Variants in CDK5RAP1 observed in about 807,000 individuals in gnomAD.
CDK5RAP1 encodes mitochondrial tRNA methylthiotransferase CDK5RAP1.
In CDK5RAP1, 62 loss-of-function variants were observed where a neutral mutation model predicts 64.5. The ratio of observed to expected loss-of-function variants is 0.96; its 90% CI spans 0.78 to 1.19. CDK5RAP1 has a LOEUF of 1.19. CDK5RAP1 is among the 50% of genes most tolerant of loss of function. The pLI, the probability that CDK5RAP1 is intolerant of heterozygous loss-of-function variation, is 0.00. For synonymous variants in CDK5RAP1, 250 were observed against 261.9 expected (o/e 0.95, Z 0.44); for missense variants, 657 against 735.0 (o/e 0.89, Z 1.23).
At chr20:33,385,531 T>C in intron 7 of CDK5RAP1, 119 bp downstream of exon 7, 2 of 1,177,290 alleles carry the variant, frequency 1.7e-6, no homozygotes, top group South Asian at 1.5e-5. Flanking sequence ...TAGTTCTTTC[T>C]GGCCAGGCAT....
At chr20:33,391,169 A>G (rs1348153678) in intron 5 of CDK5RAP1, among the ~76,000 whole-genome samples, 1 of 148,770 alleles carries the variant, frequency 6.7e-6, no homozygotes, top group Non-Finnish European at 1.5e-5. Flanking sequence ...TGAGAGGATC[A>G]TTTGAGCCCA....
intron 7 of CDK5RAP1, among the ~76,000 whole-genome samples, chr20:33,382,335 G>A (rs777164842): frequency 2.6e-5 from 4 of 152,202 alleles, no homozygotes; most frequent in Non-Finnish European, 5.9e-5. Flanking sequence ...GAACTGGAAT[G>A]AGACAGTATT....
chr20:33,391,518 A>C (rs1988320858), intron 5 of CDK5RAP1, among the ~76,000 whole-genome samples: 1 of 152,132 alleles, frequency 6.6e-6, no homozygotes, highest in East Asian at 1.9e-4. Context: ...AAAGGTACCC[A>C]CATTAGAAAT....
intron 11 of CDK5RAP1, 82 bp downstream of exon 11, chr20:33,370,417 C>CTCTT: frequency 6.8e-7 from 1 of 1,470,864 alleles, no homozygotes; most frequent in East Asian, 2.3e-5. Context: ...TGCCGCCACT[C>CTCTT]TCTTTTCTGC....
intron 7 of CDK5RAP1, among the ~76,000 whole-genome samples, chr20:33,383,741 CAAAAAAAAA>C (rs34365439): frequency 1.1e-5 from 1 of 91,264 alleles, no homozygotes; most frequent in Non-Finnish European, 2.0e-5. Context: ...AACTCTGTCT[CAAAAAAAAA>C]AAAAAAAAAA....
intron 8 of CDK5RAP1, among the ~76,000 whole-genome samples, chr20:33,379,005 A>G (rs1167126770): frequency 6.6e-6 from 1 of 151,976 alleles, no homozygotes; most frequent in Admixed American, 6.6e-5. Flanking sequence ...GATGGAGTGC[A>G]GTGGTGCGAT....
intron 4 of CDK5RAP1, 30 bp downstream of exon 4, chr20:33,394,002 T>C: frequency 6.7e-7 from 1 of 1,496,666 alleles, no homozygotes; most frequent in Non-Finnish European, 9.3e-7. Context: ...ATAAAATACA[T>C]TCACTCCTAG....
At position 33,396,795 on chromosome 20, in the gene CDK5RAP1, G is replaced by A. The variant is rs1397472042; in HGVS notation, c.270C>T (p.Leu90=). Residue 90 remains leucine, a synonymous_variant, in exon 2 of 14, where the codon CTC becomes CTT. Coordinates refer to ENST00000346416, the MANE Select transcript of CDK5RAP1 (RefSeq NM_016408.4). ...GCCTTCCAAGAAGTTCATCCATCAT[G>A]AGATAGGGAGGTGGGTCTTCCACTT... is the stretch of plus-strand genomic sequence containing the variant. ...SSEVEDPPPY[L]MMDELLGRQR... 9 of 1,613,910 alleles carry A rather than the reference G, an allele frequency of 5.6e-6. No individual in the cohort carries two copies. The highest frequency in any genetic ancestry group is 7.6e-6 in the Non-Finnish European group (9 of 1,179,988).
chr20:33,381,487 C>T (rs1438967431), intron 7 of CDK5RAP1, among the ~76,000 whole-genome samples: 1 of 152,112 alleles, frequency 6.6e-6, no homozygotes, highest in Non-Finnish European at 1.5e-5. Flanking sequence ...AGTGCACTAG[C>T]GTGATCTTGG....
intron 9 of CDK5RAP1, chr20:33,373,744 TA>T (rs372357888): frequency 1.9e-4 from 37 of 192,774 alleles, no homozygotes; most frequent in East Asian, 2.6e-4. Flanking sequence ...GGTGCTTAAT[TA>T]AAAAAAAACA....
intron 7 of CDK5RAP1, 140 bp from the exon 8 acceptor site, chr20:33,379,831 G>A: frequency 1.6e-6 from 1 of 637,076 alleles, no homozygotes; most frequent in Non-Finnish European, 2.7e-6. Context: ...TCACCTATAA[G>A]TGTGTTGTGT....
intron 5 of CDK5RAP1, among the ~76,000 whole-genome samples, chr20:33,390,097 T>C (rs764868048): frequency 2.6e-5 from 4 of 151,754 alleles, no homozygotes; most frequent in Non-Finnish European, 5.9e-5. Flanking sequence ...GGCAACATAG[T>C]GAGACCCACA....
At chr20:33,401,556 C>G (rs767143200), upstream of CDK5RAP1, 2 of 976,358 alleles carry the variant, frequency 2.0e-6, no homozygotes, top group Non-Finnish European at 2.4e-6. Flanking sequence ...CAGGCCGGGT[C>G]ATGCTAACGG....
intron 6 of CDK5RAP1, 138 bp from the exon 7 acceptor site, chr20:33,385,908 G>T: frequency 2.7e-6 from 2 of 738,096 alleles, no homozygotes; most frequent in East Asian, 2.7e-5. Flanking sequence ...ACCAATCTGA[G>T]ATCTAAGCAC....
intron 12 of CDK5RAP1, among the ~76,000 whole-genome samples, chr20:33,364,953 A>G (rs1439135543): frequency 6.6e-6 from 1 of 151,424 alleles, no homozygotes; most frequent in Non-Finnish European, 1.5e-5. Context: ...AGGTGGCACA[A>G]TCTCATCTTA....
chr20:33,378,967 C>T (rs907609768), intron 8 of CDK5RAP1, among the ~76,000 whole-genome samples: 3 of 151,916 alleles, frequency 2.0e-5, no homozygotes, highest in Non-Finnish European at 2.9e-5. Flanking sequence ...ACTTTTTTTT[C>T]GAGACAGGGT....
chr20:33,395,853 A>C (rs1988852715), intron 2 of CDK5RAP1, among the ~76,000 whole-genome samples: 1 of 152,122 alleles, frequency 6.6e-6, no homozygotes, highest in East Asian at 1.9e-4. Flanking sequence ...GTCTCCACTA[A>C]AAATACAAAA....
intron 7 of CDK5RAP1, among the ~76,000 whole-genome samples, chr20:33,381,776 G>A (rs562393750): frequency 2.8e-4 from 43 of 152,046 alleles, no homozygotes; most frequent in African/African-American, 9.4e-4. Flanking sequence ...AATCCCAATC[G>A]AGGACCGTGC....
At chr20:33,393,705 C>T (rs1988590049) in intron 4 of CDK5RAP1, among the ~76,000 whole-genome samples, 2 of 152,158 alleles carry the variant, frequency 1.3e-5, no homozygotes, top group Admixed American at 6.6e-5. Context: ...TAAACATATG[C>T]CATTAGTTAC....
Sources: gnomAD v4.1 joint callset for allele counts (sites outside exome capture counted in the v4.1 genomes callset) on GRCh38, gnomAD v4.1.1 for gene constraint, MANE v1.5 for transcripts, NCBI Gene and HGNC (gene_info 2026-07-23, HGNC 2026-07-21) for gene names.